Variants in CCDC61 observed in about 807,000 individuals in gnomAD.
The protein encoded by CCDC61 is centrosomal protein CCDC61.
In CCDC61, 55 loss-of-function variants were observed where a neutral mutation model predicts 63.0. The ratio of observed to expected loss-of-function variants is 0.87; its 90% CI spans 0.70 to 1.09. The LOEUF is 1.09. Among genes scored for constraint, CCDC61 ranks in the 50% least tolerant of loss-of-function variants. The pLI is 0.00. For synonymous variants in CCDC61, 270 were observed against 317.0 expected (o/e 0.85, Z 1.58); for missense variants, 651 against 731.4 (o/e 0.89, Z 1.27).
chr19:46,015,992 G>A lies in CCDC61; in HGVS notation c.846-62G>A. The stretch of plus-strand genomic sequence containing the variant: ...GTTCGGAGAAGGTGCGGTCGGGGAG[G>A]AGTCTCGCGATTGAGTTTGTCGGGG... On this transcript the variant is annotated intron_variant, in intron 7 of 13. Transcript: ENST00000595358. This position sits in a 1 kb window ranked among gnomAD's most constrained non-coding sequence, Gnocchi z 5.3. 5 of 1,220,292 alleles carry A rather than the reference G, an allele frequency of 4.1e-6. No homozygotes were observed. Among genetic ancestry groups the A allele is most frequent in the Non-Finnish European group, 5.1e-6 (5 of 978,222 alleles). The allele number at this position is 1,220,292 out of a possible 1,614,324, so 75.6% of individuals were successfully genotyped here. A position where few individuals can be genotyped will look rare whatever the true frequency, so the allele number is the denominator to read the frequency against.
intron 3 of CCDC61, 78 bp downstream of exon 3, chr19:46,003,579 T>A: frequency 1.0e-6 from 1 of 983,780 alleles, no homozygotes; most frequent in South Asian, 1.4e-5. Context: ...GCCCATCTGA[T>A]GTATGTAAGA....
chr19:46,004,491 A>G (rs1192577765), intron 3 of CCDC61, among the ~76,000 whole-genome samples: 2 of 151,430 alleles, frequency 1.3e-5, no homozygotes, highest in South Asian at 4.2e-4. Context: ...TTGAGATGGA[A>G]TCTCACTCTG....
intron 12 of CCDC61, 25 bp downstream of exon 12, chr19:46,017,329 C>T: frequency 1.3e-6 from 2 of 1,545,938 alleles, no homozygotes; most frequent in South Asian, 2.4e-5. Context: ...CAACATAAAC[C>T]ACTGGAACAC....
Position 46,016,563 on chromosome 19 carries a change from T to G in CCDC61, c.1092-131T>G. The G allele has an allele frequency of 6.9e-7, 1 of 1,441,954 alleles. No homozygotes were observed. Among genetic ancestry groups the G allele is most frequent in the South Asian group, 1.3e-5 (1 of 77,568 alleles). 89.3% of individuals were successfully genotyped at this position (1,441,954 alleles called of 1,614,324 possible). ...CGTCCTACCTCCTCGTCTGTGTTTC[T>G]GCGTGCTTTCCGCTCGTAGGCCTGT... On this transcript the variant is annotated intron_variant, in intron 9 of 13. Transcript: ENST00000595358. This position sits in a 1 kb window ranked among gnomAD's most constrained non-coding sequence, Gnocchi z 7.2.
In CCDC61 at chr19:46,008,224, A is replaced by T; in HGVS notation, c.474A>T (p.Glu158Asp). The T allele has an allele frequency of 6.2e-7, 1 of 1,610,436 alleles. No individual in the cohort carries two copies. Among genetic ancestry groups the T allele is most frequent in the Non-Finnish European group, 8.5e-7 (1 of 1,178,028 alleles). Residue 158 changes from glutamate (E) to aspartate (D), a missense_variant, in exon 5 of 14, where the codon GAA becomes GAT. Transcript: ENST00000595358. ...LQGIIRSLKE[E>D]LGRLQGLDGQ... ...GCATCATCCGGTCACTGAAGGAGGA[A>T]CTGGGCCGCCTGCAAGGGCTGGATG...
rs1314536629 is a variant in CCDC61, at chr19:46,016,977, C to T, written c.1232-14C>T. The T allele has an allele frequency of 1.9e-6, 3 of 1,607,096 alleles. No homozygotes were observed. Among genetic ancestry groups the T allele is most frequent in the Non-Finnish European group, 2.5e-6 (3 of 1,177,220 alleles). ...CAGCGAGGGCCAGCGGTCACGCCCT[C>T]CGTCTCCCTCTAGTGGACAGTTTCC... On this transcript the variant is annotated splice_polypyrimidine_tract_variant and intron_variant, in intron 10 of 13. Transcript: ENST00000595358. This position sits in a 1 kb window ranked among gnomAD's most constrained non-coding sequence, Gnocchi z 7.2.
At chr19:46,001,247 G>A (rs1023878220) in intron 1 of CCDC61, among the ~76,000 whole-genome samples, 7 of 152,026 alleles carry the variant, frequency 4.6e-5, no homozygotes, top group Non-Finnish European at 1.0e-4. Flanking sequence ...TTTTTTCTGA[G>A]ACAGAATCTT....
intron 5 of CCDC61, among the ~76,000 whole-genome samples, chr19:46,014,308 T>G (rs1418641098): frequency 6.6e-6 from 1 of 152,218 alleles, no homozygotes; most frequent in Non-Finnish European, 1.5e-5. Context: ...CCATAGATTT[T>G]GGTTTATTCT....
intron 11 of CCDC61, 36 bp downstream of exon 11, chr19:46,017,105 A>C (rs773859574): frequency 1.3e-6 from 2 of 1,596,430 alleles, no homozygotes; most frequent in East Asian, 2.2e-5. Context: ...TCGCCTCCAA[A>C]GGGTTTCTGG....
chr19:46,018,447 G>T lies in CCDC61; in HGVS notation c.*60G>T, dbSNP rs1427786603. On this transcript the variant is annotated 3_prime_UTR_variant, in exon 14 of 14. Transcript: ENST00000595358. This position sits in a 1 kb window ranked among gnomAD's most constrained non-coding sequence, Gnocchi z 4.2. ...CCACTTGCTGGGTATGGTGTGGGGG[G>T]TGGGGCCAGGGTGGCCTCCAGCCCT... 1.4e-6 allele frequency: 2 copies of T among 1,421,360 alleles called. No individual in the cohort carries two copies. Among genetic ancestry groups the T allele is most frequent in the Non-Finnish European group, 1.9e-6 (2 of 1,034,678 alleles). 88.0% of individuals were successfully genotyped at this position (1,421,360 alleles called of 1,614,324 possible).
At chr19:46,008,335 T>TGGGGGGGGGGGGGG in intron 5 of CCDC61, 34 bp downstream of exon 5, 2 of 499,164 alleles carry the variant, frequency 4.0e-6, no homozygotes, top group Admixed American at 2.2e-5. Flanking sequence ...CTGGGGCGGG[T>TGGGGGGGGGGGGGG]GGGGGCCCTC....
intron 5 of CCDC61, among the ~76,000 whole-genome samples, 158 bp from the exon 6 acceptor site, chr19:46,014,891 A>C (rs1226510275): frequency 6.6e-6 from 1 of 151,986 alleles, no homozygotes; most frequent in Non-Finnish European, 1.5e-5. Flanking sequence ...GTCGCAGGGG[A>C]TATGATAGGA....
At position 46,016,857 on chromosome 19, in the gene CCDC61, T is replaced by C; in HGVS notation, c.1231+24T>C. 7.8e-7 allele frequency: 1 copy of C among 1,277,562 alleles called. No homozygotes were observed. The highest frequency in any genetic ancestry group is 1.4e-5 in the South Asian group (1 of 73,838). 79.1% of individuals were successfully genotyped at this position (1,277,562 alleles called of 1,614,324 possible). On this transcript the variant is annotated intron_variant, in intron 10 of 13. Coordinates refer to ENST00000595358, the MANE Select transcript of CCDC61 (RefSeq NM_001267723.2). This position sits in a 1 kb window ranked among gnomAD's most constrained non-coding sequence, Gnocchi z 7.2. ...AGGTAACTGGCCTGGAGCTGGGGGC[T>C]GCCGGGCTAGGCGGGACTGGGCGGG...
chr19:46,010,794 T>C (rs1455473824), intron 5 of CCDC61, among the ~76,000 whole-genome samples: 1 of 152,234 alleles, frequency 6.6e-6, no homozygotes, highest in Non-Finnish European at 1.5e-5. Context: ...CCCCCTGCCC[T>C]GTAGCAAATC....
chr19:46,012,384 G>A (rs912165872), intron 5 of CCDC61, among the ~76,000 whole-genome samples: 14 of 152,212 alleles, frequency 9.2e-5, no homozygotes, highest in Admixed American at 2.6e-4. Flanking sequence ...AGTGGCTCAC[G>A]CCTATAATCC....
chr19:46,009,211 G>A (rs994739491), intron 5 of CCDC61, among the ~76,000 whole-genome samples: 3 of 152,024 alleles, frequency 2.0e-5, no homozygotes, highest in African/African-American at 4.8e-5. Context: ...GTGGGAATGC[G>A]GTGAGAACAA....
chr19:46,017,601 T>C (rs966181339), intron 12 of CCDC61, among the ~76,000 whole-genome samples: 3 of 152,112 alleles, frequency 2.0e-5, no homozygotes, highest in Non-Finnish European at 4.4e-5. Flanking sequence ...TGTCTCTTTA[T>C]GTTGCCCAGG....
At chr19:46,005,905 AGTACTTGATGT>A (rs1968699671) in intron 3 of CCDC61, among the ~76,000 whole-genome samples, 2 of 152,134 alleles carry the variant, frequency 1.3e-5, no homozygotes, top group Admixed American at 1.3e-4. Context: ...CGTGCACAGA[AGTACTTGATGT>A]GTACTTCCCA....
Position 46,008,289 on chromosome 19 carries a change from AT to A in CCDC61, c.540del (p.Leu181CysfsTer89). On this transcript the variant is annotated frameshift_variant, in exon 5 of 14. Coordinates refer to ENST00000595358, the MANE Select transcript of CCDC61 (RefSeq NM_001267723.2). LOFTEE classifies it high-confidence loss of function. ...GACACCCGGGAGAATGAGATCTGGC[AT>A]CTGCGGGAGCAGTGAGTCTTGGAGG... ...TRDTRENEIW[H>X]LREQVSRLAS... is the part of the protein sequence containing the mutation. 3.8e-6 allele frequency: 5 copies of A among 1,322,444 alleles called. No homozygotes were observed. The highest frequency in any genetic ancestry group is 5.1e-6 in the Non-Finnish European group (5 of 977,218). 81.9% of individuals were successfully genotyped at this position (1,322,444 alleles called of 1,614,324 possible). A position where few individuals can be genotyped will look rare whatever the true frequency, so the allele number is the denominator to read the frequency against.
Sources: gnomAD v4.1 joint callset for allele counts (sites outside exome capture counted in the v4.1 genomes callset) on GRCh38, gnomAD v4.1.1 for gene constraint, Gnocchi (gnomAD v3.1) non-coding constraint, MANE v1.5 for transcripts, NCBI Gene and HGNC (gene_info 2026-07-23, HGNC 2026-07-21) for gene names.